The following SGSM3 variants were observed in gnomAD, a reference collection of about 807,000 sequenced individuals.
SGSM3 encodes RUN and SH3 containing 3.
A neutral mutation model predicts 100.5 loss-of-function variants in SGSM3; 96 were observed. The ratio of observed to expected loss-of-function variants is 0.96; its 90% CI spans 0.81 to 1.13. The LOEUF (loss-of-function observed/expected upper bound fraction) is 1.13, where lower values mean the gene tolerates loss of function less well. SGSM3 is among the 50% of genes most tolerant of loss of function. The probability of loss-of-function intolerance (pLI) is 0.00; values close to 1 mark genes in which losing one functional copy is unlikely to be tolerated. For synonymous variants in SGSM3, 483 were observed against 422.8 expected (o/e 1.14, Z -1.75); for missense variants, 1,001 against 1,015.8 (o/e 0.99, Z 0.20).
rs1216517300 is a variant in SGSM3, at chr22:40,409,263, C to T, written c.2002C>T (p.His668Tyr). ...CCATGTCCCCAGTGAGCAGGTGCTGCACCTGTGGCTGGAGGTGCTCTGCTC... is the reference window on the plus strand; with the variant it reads ...CCATGTCCCCAGTGAGCAGGTGCTGTACCTGTGGCTGGAGGTGCTCTGCTC... ...ICVGLNEQVLHLWLEVLCSSL... is the reference protein window; with the variant it reads ...ICVGLNEQVLYLWLEVLCSSL... Residue 668 changes from histidine (H) to tyrosine (Y), a missense_variant, in exon 20 of 22, where the codon CAC becomes TAC. His to Tyr is a moderately conservative substitution (Grantham distance 83). Coordinates refer to ENST00000248929, the MANE Select transcript of SGSM3 (RefSeq NM_015705.6). The T allele has an allele frequency of 3.1e-6, 5 of 1,608,930 alleles. 1 individual carries two copies. The highest frequency in any genetic ancestry group is 4.2e-6 in the Non-Finnish European group (5 of 1,179,010).
At chr22:40,393,655 G>A (rs944242853) in intron 1 of SGSM3, among the ~76,000 whole-genome samples, 1 of 152,198 alleles carries the variant, frequency 6.6e-6, no homozygotes, top group African/African-American at 2.4e-5. Flanking sequence ...TTGTGCTGCT[G>A]TAACAGAATA....
At chr22:40,409,041 A>T in intron 19 of SGSM3, 23 bp downstream of exon 19, 1 of 1,555,762 alleles carries the variant, frequency 6.4e-7, no homozygotes, top group Non-Finnish European at 8.7e-7. Context: ...AAGGGGTTGG[A>T]GGAGAGCCCT....
intron 1 of SGSM3, among the ~76,000 whole-genome samples, chr22:40,381,422 A>G (rs2047565441): frequency 2.0e-5 from 3 of 152,106 alleles, no homozygotes; most frequent in Admixed American, 2.0e-4. Context: ...GTGCTGGGAT[A>G]AGAGGAATGA....
intron 3 of SGSM3, 109 bp from the exon 4 acceptor site, chr22:40,402,030 C>A (rs917272915): frequency 3.6e-6 from 3 of 828,634 alleles, no homozygotes; most frequent in Admixed American, 2.0e-5. Context: ...TGATCTGAGC[C>A]CGAAGGCTGG....
Position 40,409,373 on chromosome 22 carries a change from G to T in SGSM3, c.2111+1G>T. On this transcript the variant is annotated splice_donor_variant, in intron 20 of 21. Coordinates refer to ENST00000248929, the MANE Select transcript of SGSM3 (RefSeq NM_015705.6). LOFTEE classifies it high-confidence loss of function. ...GGGTCCAGATCAAGTGTGAGCTCCG[G>T]TGAGGACCTTACTGGGCTTGGGGGA... 1.3e-6 allele frequency: 2 copies of T among 1,598,608 alleles called. No homozygotes were observed. Among genetic ancestry groups the T allele is most frequent in the Non-Finnish European group, 1.7e-6 (2 of 1,171,864 alleles).
Position 40,407,876 on chromosome 22 carries a change from A to C in SGSM3, c.1579+33A>C. On this transcript the variant is annotated intron_variant, in intron 14 of 21. Coordinates refer to ENST00000248929, the MANE Select transcript of SGSM3 (RefSeq NM_015705.6). This position sits in a 1 kb window ranked among gnomAD's most constrained non-coding sequence, Gnocchi z 4.7. ...CCTTGGTCTGCTCTTGAGCTGGGAGAGGGAGGAGGGGGTGGGCACAGAAGA... is the reference window on the plus strand; with the variant it reads ...CCTTGGTCTGCTCTTGAGCTGGGAGCGGGAGGAGGGGGTGGGCACAGAAGA... The C allele has an allele frequency of 6.7e-7, 1 of 1,490,156 alleles. No homozygotes were observed. Among genetic ancestry groups the C allele is most frequent in the Non-Finnish European group, 9.3e-7 (1 of 1,075,594 alleles). 92.3% of individuals were successfully genotyped at this position (1,490,156 alleles called of 1,614,324 possible).
At chr22:40,408,551 G>T in intron 16 of SGSM3, 76 bp from the exon 17 acceptor site, 1 of 1,594,636 alleles carries the variant, frequency 6.3e-7, no homozygotes, top group Non-Finnish European at 8.6e-7. Flanking sequence ...CGTGGTGACA[G>T]GTGCCCAGTC....
chr22:40,378,839 C>T (rs2047083774), intron 1 of SGSM3, among the ~76,000 whole-genome samples: 1 of 152,198 alleles, frequency 6.6e-6, no homozygotes, highest in South Asian at 2.1e-4. Context: ...TCTAAATCTG[C>T]AGACTCCGAG....
At position 40,408,941 on chromosome 22, in the gene SGSM3, G is replaced by T. The variant is rs1390292796; in HGVS notation, c.1911G>T (p.Gln637His). 1 of 1,611,500 alleles carries T rather than the reference G, an allele frequency of 6.2e-7. No homozygotes were observed. ...TPEELLYRAV[Q>H]SVNVTHDAVH... ...GACGGTGCCGTTCCCAGGCTGTGCA[G>T]TCTGTGAACGTGACCCACGATGCAG... The change falls in exon 19 of 22, where the codon CAG becomes CAT. Residue 637 changes from glutamine (Q) to histidine (H), a missense_variant. Physicochemically the swap from Gln to His is conservative, Grantham distance 24. Coordinates refer to ENST00000248929, the MANE Select transcript of SGSM3 (RefSeq NM_015705.6).
chr22:40,378,811 G>A (rs1431373651), intron 1 of SGSM3, among the ~76,000 whole-genome samples: 2 of 151,966 alleles, frequency 1.3e-5, no homozygotes, highest in South Asian at 2.1e-4. Flanking sequence ...TTCTGAGATC[G>A]TGATTCTCTG....
chr22:40,398,204 T>C (rs915306709), intron 1 of SGSM3, among the ~76,000 whole-genome samples: 5 of 151,926 alleles, frequency 3.3e-5, no homozygotes, highest in Non-Finnish European at 7.4e-5. Flanking sequence ...CGACCTCAGG[T>C]GATCCACCCA....
In SGSM3 at chr22:40,407,778, C is replaced by T. The variant is rs199908067; in HGVS notation, c.1525-11C>T. On this transcript the variant is annotated splice_polypyrimidine_tract_variant and intron_variant, in intron 13 of 21. Transcript: ENST00000248929. This position sits in a 1 kb window ranked among gnomAD's most constrained non-coding sequence, Gnocchi z 4.7. ...CCAGCTTTGGTTCCTGCTGTTTTTCCTCCTGTGCAGATCGTGTCTCAGAAG... is the reference window on the plus strand; with the variant it reads ...CCAGCTTTGGTTCCTGCTGTTTTTCTTCCTGTGCAGATCGTGTCTCAGAAG... 1.3e-5 allele frequency: 21 copies of T among 1,614,078 alleles called. No homozygotes were observed. The highest frequency in any genetic ancestry group is 1.8e-5 in the Non-Finnish European group (21 of 1,180,006).
At position 40,408,029 on chromosome 22, in the gene SGSM3, G is replaced by T. The variant is rs201056625; in HGVS notation, c.1580-42G>T. 2.1e-4 allele frequency: 344 copies of T among 1,602,808 alleles called. 1 individual carries two copies. Among genetic ancestry groups the T allele is most frequent in the South Asian group, 1.4e-3 (128 of 89,742 alleles). On this transcript the variant is annotated intron_variant, in intron 14 of 21. Transcript: ENST00000248929. ...TGCAGGCTGTGTCTGCTCTGTCCTC[G>T]GCCCTCGTGGTTGCTCCTTACAGGG...
rs1487575582 is a variant in SGSM3, at chr22:40,406,154, C to T, written c.891C>T (p.Ile297=). The T allele has an allele frequency of 1.2e-5, 20 of 1,614,046 alleles. No individual in the cohort carries two copies. The Admixed American group carries it at 3.2e-4, about 26-fold the overall frequency. ...SVVDIKLLLR[I]WDLFFYEGSR... The stretch of plus-strand genomic sequence containing the variant: ...TGGACATCAAGCTGCTCCTGCGCAT[C>T]TGGGACCTGTTTTTCTACGAGGGCT... The change falls in exon 9 of 22, where the codon ATC becomes ATT. Residue 297 remains isoleucine, a synonymous_variant. Transcript: ENST00000248929.
At chr22:40,382,684 C>G (rs1288268816) in intron 1 of SGSM3, among the ~76,000 whole-genome samples, 1 of 152,158 alleles carries the variant, frequency 6.6e-6, no homozygotes, top group Admixed American at 6.5e-5. Flanking sequence ...GACGTAGACC[C>G]CACCATTCAA....
At position 40,406,088 on chromosome 22, in the gene SGSM3, G is replaced by T; in HGVS notation, c.825G>T (p.Leu275=). Residue 275 remains leucine (L), a synonymous_variant, in exon 9 of 22, where the codon CTG becomes CTT. Coordinates refer to ENST00000248929, the MANE Select transcript of SGSM3 (RefSeq NM_015705.6). The part of the protein sequence containing the change: ...LLQEHDIELS[L]ITLHWFLTAF... The stretch of plus-strand genomic sequence containing the variant: ...CTCCTGTGTTTACAGAGCTGTCCCT[G>T]ATCACACTGCACTGGTTCCTCACGG... 5 of 1,613,966 alleles carry T rather than the reference G, an allele frequency of 3.1e-6. No individual in the cohort carries two copies. Among genetic ancestry groups the T allele is most frequent in the Non-Finnish European group, 4.2e-6 (5 of 1,179,994 alleles).
chr22:40,371,231 C>A (rs1019036416), intron 1 of SGSM3, among the ~76,000 whole-genome samples: 1 of 152,226 alleles, frequency 6.6e-6, no homozygotes, highest in Non-Finnish European at 1.5e-5. Flanking sequence ...CAGAATCATC[C>A]GGTGTGGTTA....
intron 1 of SGSM3, among the ~76,000 whole-genome samples, chr22:40,394,214 A>T (rs1477734107): frequency 6.6e-6 from 1 of 152,232 alleles, no homozygotes; most frequent in Non-Finnish European, 1.5e-5. Context: ...CAAACTTGAC[A>T]TCTCCACTTA....
chr22:40,386,026 T>G (rs771040068), intron 1 of SGSM3, among the ~76,000 whole-genome samples: 45 of 88,272 alleles, frequency 5.1e-4, no homozygotes, highest in South Asian at 1.5e-3. Context: ...TAATTTTTTG[T>G]TTTTTTTTTT....
Sources: allele counts gnomAD v4.1 joint callset (sites outside exome capture counted in the v4.1 genomes callset), GRCh38; gene constraint gnomAD v4.1.1; non-coding constraint Gnocchi (gnomAD v3.1); transcripts MANE v1.5; gene names NCBI Gene and HGNC (gene_info 2026-07-23, HGNC 2026-07-21).